SPMIP11: variants seen among roughly 807,000 people sequenced by gnomAD.
SPMIP11 encodes the protein sperm microtubule inner protein 11, also known as long intergenic non-protein coding RNA 935.
the SPMIP11 span, among the ~76,000 whole-genome samples, chr12:48,752,907 G>C: frequency 6.6e-6 from 1 of 151,998 alleles, no homozygotes; most frequent in Non-Finnish European, 1.5e-5. Flanking sequence ...ATCGACCTCA[G>C]GTGATCCACC....
chr12:48,734,657 A>G, the SPMIP11 span, among the ~76,000 whole-genome samples: 4 of 152,140 alleles, frequency 2.6e-5, no homozygotes, highest in Non-Finnish European at 5.9e-5. Flanking sequence ...TTTATATGGA[A>G]TGAGGGAGAG....
chr12:48,747,701 T>A, the SPMIP11 span, among the ~76,000 whole-genome samples: 10 of 152,212 alleles, frequency 6.6e-5, no homozygotes, highest in Non-Finnish European at 7.3e-5. Flanking sequence ...GCTTCAACCA[T>A]ATCATTCAAT....
chr12:48,728,565 G>A, the SPMIP11 span, among the ~76,000 whole-genome samples: 3 of 151,998 alleles, frequency 2.0e-5, no homozygotes, highest in East Asian at 1.9e-4. Context: ...ACAATTAGCC[G>A]AGCGTGATGG....
At chr12:48,743,559 C>T in the SPMIP11 span, among the ~76,000 whole-genome samples, 2 of 152,088 alleles carry the variant, frequency 1.3e-5, no homozygotes. Flanking sequence ...ATAATCCTGG[C>T]ACTTTGGGAG....
the SPMIP11 span, among the ~76,000 whole-genome samples, chr12:48,755,875 C>CTTT: frequency 2.4e-4 from 24 of 101,582 alleles, no homozygotes; most frequent in East Asian, 6.0e-4. Context: ...CAGTTTCTTT[C>CTTT]TTTTTTTTTT....
the SPMIP11 span, chr12:48,768,953 A>AC: frequency 1.2e-6 from 2 of 1,611,294 alleles, no homozygotes; most frequent in Admixed American, 1.7e-5. Context: ...TCGGTCGGGG[A>AC]CCCCCGTGCT....
the SPMIP11 span, chr12:48,768,459 G>T: frequency 3.0e-6 from 4 of 1,328,714 alleles, no homozygotes; most frequent in African/African-American, 2.9e-5. Context: ...AGCACAGCCT[G>T]CTGGGATGTT....
At chr12:48,758,646 A>G in the SPMIP11 span, among the ~76,000 whole-genome samples, 4 of 152,168 alleles carry the variant, frequency 2.6e-5, no homozygotes, top group Non-Finnish European at 4.4e-5. Flanking sequence ...AGCCACTATA[A>G]TACACCACCT....
At chr12:48,727,498 G>T in the SPMIP11 span, 1 of 702,928 alleles carries the variant, frequency 1.4e-6, no homozygotes, top group Non-Finnish European at 2.6e-6. Flanking sequence ...TCTTCAACTT[G>T]TATCTATTGG....
the SPMIP11 span, chr12:48,765,580 A>ATC: frequency 2.8e-6 from 2 of 702,816 alleles, no homozygotes; most frequent in Admixed American, 2.0e-5. Flanking sequence ...GCCTGGCTGA[A>ATC]TCTCTCTCTG....
At chr12:48,732,963 G>T in the SPMIP11 span, among the ~76,000 whole-genome samples, 12 of 151,374 alleles carry the variant, frequency 7.9e-5, no homozygotes, top group Non-Finnish European at 1.6e-4. Flanking sequence ...GGCTGAGGTT[G>T]TGGTGAGCCG....
At chr12:48,764,249 A>T in the SPMIP11 span, among the ~76,000 whole-genome samples, 1 of 152,184 alleles carries the variant, frequency 6.6e-6, no homozygotes, top group South Asian at 2.1e-4. Flanking sequence ...TCGGCCTCCC[A>T]AAGTGCTGGA....
chr12:48,729,625 G>A, the SPMIP11 span, among the ~76,000 whole-genome samples: 1 of 150,876 alleles, frequency 6.6e-6, no homozygotes, highest in Non-Finnish European at 1.5e-5. Flanking sequence ...CAGGAGAATC[G>A]CTTGAACCCG....
At chr12:48,754,950 C>A in the SPMIP11 span, among the ~76,000 whole-genome samples, 4 of 152,304 alleles carry the variant, frequency 2.6e-5, no homozygotes, top group Non-Finnish European at 4.4e-5. Flanking sequence ...AGCCACCATG[C>A]CTGGCTGCAA....
chr12:48,765,504 C>T, the SPMIP11 span: 9 of 673,964 alleles, frequency 1.3e-5, no homozygotes, highest in Middle Eastern at 2.4e-4. Flanking sequence ...GCTGGGATTA[C>T]AGGCGTGAGC....
the SPMIP11 span, chr12:48,727,451 C>T: frequency 2.7e-5 from 19 of 702,232 alleles, no homozygotes; most frequent in South Asian, 1.5e-4. Context: ...CCAACCTGGA[C>T]GTTCCAGAAG....
At chr12:48,756,503 A>T in the SPMIP11 span, among the ~76,000 whole-genome samples, 3 of 152,156 alleles carry the variant, frequency 2.0e-5, no homozygotes, top group African/African-American at 7.2e-5. Context: ...TGAGGGACAG[A>T]GATGATGAAT....
chr12:48,763,466 G>A, the SPMIP11 span, among the ~76,000 whole-genome samples: 11 of 152,078 alleles, frequency 7.2e-5, no homozygotes, highest in African/African-American at 2.7e-4. Context: ...ACTGCACCCA[G>A]CCTCTAATAG....
At chr12:48,735,911 TAAAAC>T in the SPMIP11 span, among the ~76,000 whole-genome samples, 1 of 151,950 alleles carries the variant, frequency 6.6e-6, no homozygotes, top group Non-Finnish European at 1.5e-5. Context: ...AATTAAGAAA[TAAAAC>T]AAAATAAAAT....
Sources: gnomAD v4.1 joint callset for allele counts (sites outside exome capture counted in the v4.1 genomes callset) on GRCh38, gnomAD v4.1.1 for gene constraint, MANE v1.5 for transcripts, NCBI Gene and HGNC (gene_info 2026-07-23, HGNC 2026-07-21) for gene names.